The following BSN variants were observed in gnomAD, a reference collection of about 807,000 sequenced individuals.
The protein encoded by BSN is bassoon presynaptic cytomatrix protein.
BSN carries 57 observed loss-of-function variants against 264.8 expected under a neutral mutation model. The observed-to-expected ratio is 0.22, with a 90% CI of 0.17 to 0.27. The LOEUF is 0.27. BSN is among the 10% of genes least tolerant of loss of function. The probability of loss-of-function intolerance (pLI) is 1.00; values close to 1 mark genes in which losing one functional copy is unlikely to be tolerated. For synonymous variants in BSN, 2,059 were observed against 2,137.3 expected (o/e 0.96, Z 1.01); for missense variants, 4,615 against 5,232.5 (o/e 0.88, Z 3.64).
chr3:49,639,205 T>C (rs1310722665), intron 2 of BSN, among the ~76,000 whole-genome samples: 5 of 149,582 alleles, frequency 3.3e-5, no homozygotes, highest in East Asian at 1.9e-4. Flanking sequence ...TTTTCTTTTT[T>C]TTTTTTTTTT....
chr3:49,652,181 G>T lies in BSN; in HGVS notation c.2625G>T (p.Gln875His). ...GTGGCCTGGCCAAACATGGCACCCA[G>T]AAAGGTGGCCCCAGACCCAGGCCTG... is the stretch of plus-strand genomic sequence containing the variant. ...SGRGLAKHGT[Q>H]KGGPRPRPEP... is the part of the protein sequence containing the mutation. The change falls in exon 5 of 12, where the codon CAG (glutamine) becomes CAT (histidine). Residue 875 changes from glutamine to histidine, a missense_variant. Transcript: ENST00000296452. 6.2e-7 allele frequency: 1 copy of T among 1,613,944 alleles called. No individual in the cohort carries two copies. The highest frequency in any genetic ancestry group is 8.5e-7 in the Non-Finnish European group (1 of 1,179,934).
At chr3:49,624,452 C>T (rs1462548498) in intron 1 of BSN, among the ~76,000 whole-genome samples, 2 of 152,012 alleles carry the variant, frequency 1.3e-5, no homozygotes, top group Non-Finnish European at 2.9e-5. Flanking sequence ...GTGTGCGCCA[C>T]CAAGCTCAGC....
chr3:49,605,586 A>G (rs1232479195), intron 1 of BSN, among the ~76,000 whole-genome samples: 1 of 14,966 alleles, frequency 6.7e-5, no homozygotes, highest in Non-Finnish European at 1.1e-4. Flanking sequence ...TATATTATAT[A>G]TTTATATATA....
At chr3:49,627,334 A>G (rs9837341) in intron 2 of BSN, among the ~76,000 whole-genome samples, 42,634 of 152,026 alleles carry the variant, frequency 0.28, 6,506 homozygotes, top group Middle Eastern at 0.31. Flanking sequence ...AAGTTCACAC[A>G]TGGTGAATAC....
chr3:49,656,298 G>A lies in BSN; in HGVS notation c.6742G>A (p.Ala2248Thr). The A allele has an allele frequency of 6.2e-7, 1 of 1,613,154 alleles. No individual in the cohort carries two copies. Among genetic ancestry groups the A allele is most frequent in the Non-Finnish European group, 8.5e-7 (1 of 1,179,930 alleles). The change falls in exon 5 of 12, where the codon GCC (alanine) becomes ACC (threonine). Residue 2248 changes from alanine to threonine, a missense_variant. Around this residue, in one of 3 missense-constraint regions of BSN, gnomAD observed 3,415 missense variants for 3,866.4 expected, o/e 0.88. Transcript: ENST00000296452. ...CAGTCTGACACGTGTGCCCATGATT[G>A]CCCCCCGGGTACCTCTTGGACCCAC... ...LTSLTRVPMIAPRVPLGPTGL... is the reference protein window; with the variant it reads ...LTSLTRVPMITPRVPLGPTGL...
chr3:49,630,364 C>T (rs1374156431), intron 2 of BSN, among the ~76,000 whole-genome samples: 1 of 152,240 alleles, frequency 6.6e-6, no homozygotes, highest in Non-Finnish European at 1.5e-5. Context: ...GCCTTTCTCC[C>T]ACCGAATAGC....
intron 1 of BSN, among the ~76,000 whole-genome samples, chr3:49,559,915 G>T (rs2051700042): frequency 6.6e-6 from 1 of 152,208 alleles, no homozygotes; most frequent in East Asian, 1.9e-4. Flanking sequence ...GAGAGGCTGA[G>T]AGTTCACTGA....
rs146910434 is a variant in BSN, at chr3:49,642,641, T to C, written c.1007T>C (p.Leu336Pro). Residue 336 changes from leucine (L) to proline (P), a missense_variant, in exon 3 of 12, where the codon CTT (leucine) becomes CCT (proline). Transcript: ENST00000296452. The surrounding 1 kb of genome is among the most constrained non-coding windows in gnomAD (Gnocchi z 7.0). ...AGTGCCACCGCAGTGCCCGCTGGGC[T>C]TGGTGCCACTGAGCAGACCCAGGAG... ...AKSATAVPAGLGATEQTQEGL... is the reference protein window; with the variant it reads ...AKSATAVPAGPGATEQTQEGL... 1 of 1,603,770 alleles carries C rather than the reference T, an allele frequency of 6.2e-7. No individual in the cohort carries two copies. Among genetic ancestry groups the C allele is most frequent in the Non-Finnish European group, 8.5e-7 (1 of 1,174,100 alleles).
chr3:49,639,024 G>A (rs1421403107), intron 2 of BSN, among the ~76,000 whole-genome samples: 1 of 152,070 alleles, frequency 6.6e-6, no homozygotes, highest in Non-Finnish European at 1.5e-5. Flanking sequence ...CTCTCTGGAT[G>A]AGTAGAAATG....
At chr3:49,619,200 C>A (rs937309004) in intron 1 of BSN, among the ~76,000 whole-genome samples, 16 of 152,208 alleles carry the variant, frequency 1.1e-4, no homozygotes, top group Non-Finnish European at 2.2e-4. Context: ...TGGCCCTAGC[C>A]CAGCCCCACT....
chr3:49,654,014 A>G lies in BSN; in HGVS notation c.4458A>G (p.Ser1486=), dbSNP rs777681224. 8.7e-6 allele frequency: 14 copies of G among 1,613,878 alleles called. No individual in the cohort carries two copies. Among genetic ancestry groups the G allele is most frequent in the East Asian group, 6.7e-5 (3 of 44,884 alleles). ...CACCTCTCTCCCCGTCTTCCCCCTCAGAGAGTCCCACATTCTCCCCTGGCA... is the reference window on the plus strand; with the variant it reads ...CACCTCTCTCCCCGTCTTCCCCCTCGGAGAGTCCCACATTCTCCCCTGGCA... The part of the protein sequence containing the change: ...SSPPLSPSSP[S]ESPTFSPGKM... Residue 1486 remains serine, a synonymous_variant, in exon 5 of 12, where the codon TCA becomes TCG. Transcript: ENST00000296452. The surrounding 1 kb of genome is among the most constrained non-coding windows in gnomAD (Gnocchi z 4.1).
chr3:49,596,005 TGTG>T (rs1299376330), intron 1 of BSN, among the ~76,000 whole-genome samples: 1 of 152,222 alleles, frequency 6.6e-6, no homozygotes, highest in Non-Finnish European at 1.5e-5. Flanking sequence ...TTTGCCTTAT[TGTG>T]GTGACTAGAA....
rs1249469032 is a variant in BSN, at chr3:49,656,966, G to A, written c.7410G>A (p.Lys2470=). The A allele has an allele frequency of 2.5e-6, 4 of 1,607,558 alleles. No homozygotes were observed. In the South Asian group the frequency reaches 3.3e-5, roughly 13 times the overall value. ...TGCAGCAGCAGCTAGAGGAGCAGAA[G>A]CAGCGGCAGAAGGCTCCCTTTCCTG... ...QQLQQQLEEQ[K]QRQKAPFPAA... Residue 2470 remains lysine, a synonymous_variant, in exon 5 of 12, where the codon AAG becomes AAA. Coordinates refer to ENST00000296452, the MANE Select transcript of BSN (RefSeq NM_003458.4).
chr3:49,662,551 C>T lies in BSN; in HGVS notation c.10706C>T (p.Ser3569Phe). 1 of 1,586,290 alleles carries T rather than the reference C, an allele frequency of 6.3e-7. No individual in the cohort carries two copies. Among genetic ancestry groups the T allele is most frequent in the Non-Finnish European group, 8.6e-7 (1 of 1,165,090 alleles). The change falls in exon 6 of 12, where the codon TCC (serine) becomes TTC (phenylalanine). Residue 3569 changes from serine to phenylalanine, a missense_variant. Physicochemically the swap from Ser to Phe is radical, Grantham distance 155. Around this residue, in one of 3 missense-constraint regions of BSN, gnomAD observed 3,415 missense variants for 3,866.4 expected, o/e 0.88. Coordinates refer to ENST00000296452, the MANE Select transcript of BSN (RefSeq NM_003458.4). Reference sequence around the variant, plus strand: ...CTGGATGATTCCCATTGCGTGGTTTCCGACAGCGAAGGTAATGGCAGCCAG... The same window carrying T: ...CTGGATGATTCCCATTGCGTGGTTTTCGACAGCGAAGGTAATGGCAGCCAG... Reference protein sequence around the residue: ...YILDDSHCVVSDSEAYHLGQE... With the variant: ...YILDDSHCVVFDSEAYHLGQE...
chr3:49,653,297 C>T lies in BSN; in HGVS notation c.3741C>T (p.Gly1247=). 6.2e-7 allele frequency: 1 copy of T among 1,612,264 alleles called. No homozygotes were observed. The highest frequency in any genetic ancestry group is 8.5e-7 in the Non-Finnish European group (1 of 1,179,704). Residue 1247 remains glycine, a synonymous_variant, in exon 5 of 12, where the codon GGC becomes GGT. Coordinates refer to ENST00000296452, the MANE Select transcript of BSN (RefSeq NM_003458.4). This position sits in a 1 kb window ranked among gnomAD's most constrained non-coding sequence, Gnocchi z 6.3. ...AGGCTGCTCAGCCTGCCGCAGAGGG[C>T]ACGCCAGCCAGCCTGGGAGCAGCCG... ...YGQAAQPAAE[G]TPASLGAAVY...
At chr3:49,604,936 C>A (rs1323694877) in intron 1 of BSN, among the ~76,000 whole-genome samples, 1 of 151,938 alleles carries the variant, frequency 6.6e-6, no homozygotes, top group Non-Finnish European at 1.5e-5. Context: ...ATGTCCTTCC[C>A]AGGGCCTTGG....
intron 3 of BSN, among the ~76,000 whole-genome samples, chr3:49,645,341 T>C (rs1180163612): frequency 6.6e-6 from 1 of 152,184 alleles, no homozygotes; most frequent in Admixed American, 6.5e-5. Context: ...GCGGCCATAA[T>C]GCCTCTCCCA....
chr3:49,624,293 G>GC (rs2052326199), intron 1 of BSN, among the ~76,000 whole-genome samples: 2 of 33,170 alleles, frequency 6.0e-5, no homozygotes, highest in African/African-American at 1.7e-4. Flanking sequence ...GAGCCAACGT[G>GC]CCCAGCCTTT....
At chr3:49,658,274 T>C in intron 5 of BSN, 78 bp downstream of exon 5, 8 of 1,455,938 alleles carry the variant, frequency 5.5e-6, no homozygotes, top group Non-Finnish European at 4.5e-6. Context: ...GAGGGGCTTC[T>C]TCTGGGGTGG....
Sources: allele counts gnomAD v4.1 joint callset (sites outside exome capture counted in the v4.1 genomes callset), GRCh38; gene constraint gnomAD v4.1.1; regional missense constraint gnomAD v4.1.1; non-coding constraint Gnocchi (gnomAD v3.1); transcripts MANE v1.5; gene names NCBI Gene and HGNC (gene_info 2026-07-23, HGNC 2026-07-21).